Variants in TASP1 observed in about 807,000 individuals in gnomAD.
TASP1 encodes taspase 1, also known as threonine aspartase 1.
TASP1 carries 16 observed loss-of-function variants against 56.6 expected under a neutral mutation model. That is an observed-to-expected ratio of 0.28 (90% confidence interval 0.19 to 0.43). The LOEUF (loss-of-function observed/expected upper bound fraction) is 0.43. TASP1 is among the 20% of genes least tolerant of loss of function. The pLI is 1.00. For missense variants in TASP1, 393 were observed against 511.6 expected (o/e 0.77, Z 2.24); for synonymous variants, 179 against 184.2 (o/e 0.97, Z 0.23).
chr20:13,489,313 C>T (rs1181626553), intron 10 of TASP1, among the ~76,000 whole-genome samples: 1 of 152,160 alleles, frequency 6.6e-6, no homozygotes, highest in African/African-American at 2.4e-5. Context: ...AAGAGCTACA[C>T]ATTCTTAGGC....
the TASP1 span, chr20:13,298,871 A>G: frequency 4.5e-5 from 68 of 1,509,942 alleles, no homozygotes; most frequent in Middle Eastern, 1.8e-4. Context: ...CTGGTGTCAC[A>G]TGCTCCTTGA....
intron 10 of TASP1, among the ~76,000 whole-genome samples, chr20:13,487,951 A>T (rs1259383283): frequency 6.6e-6 from 1 of 152,180 alleles, no homozygotes; most frequent in African/African-American, 2.4e-5. Context: ...GCCATGAACC[A>T]GATTTGGCCC....
At chr20:13,164,661 G>T in the TASP1 span, 3 of 877,942 alleles carry the variant, frequency 3.4e-6, no homozygotes, top group South Asian at 1.6e-5. Flanking sequence ...CTAAGACTGT[G>T]TGTCTTTGTG....
the TASP1 span, among the ~76,000 whole-genome samples, chr20:13,326,642 C>A: frequency 6.6e-6 from 1 of 152,030 alleles, no homozygotes; most frequent in African/African-American, 2.4e-5. Flanking sequence ...TGTTTCTTTG[C>A]CTTTCATAAA....
chr20:13,200,821 C>A, the TASP1 span, among the ~76,000 whole-genome samples: 1 of 152,202 alleles, frequency 6.6e-6, no homozygotes. Context: ...GAGTTAAGAC[C>A]AAGCTTCATT....
the TASP1 span, among the ~76,000 whole-genome samples, chr20:13,206,081 G>A: frequency 5.9e-5 from 9 of 152,250 alleles, no homozygotes; most frequent in African/African-American, 2.2e-4. Context: ...GGGAGTCCTT[G>A]GCATCTATCC....
At chr20:13,252,612 G>T in the TASP1 span, among the ~76,000 whole-genome samples, 1 of 152,214 alleles carries the variant, frequency 6.6e-6, no homozygotes, top group African/African-American at 2.4e-5. Context: ...TACATTAGCT[G>T]GGTGTGGTGG....
At chr20:13,322,232 C>G in the TASP1 span, among the ~76,000 whole-genome samples, 1 of 152,180 alleles carries the variant, frequency 6.6e-6, no homozygotes, top group South Asian at 2.1e-4. Flanking sequence ...CTTAAAAGTG[C>G]TGTACTCCCA....
At position 13,570,556 on chromosome 20, in the gene TASP1, T is replaced by C. The variant is rs150823277; in HGVS notation, c.489-970A>G. Reference sequence around the variant, plus strand: ...ATCTAAGTAGACCCTCAGAAACATATCCAAATGGTTCCAATGGGAAACCAA... The same window carrying C: ...ATCTAAGTAGACCCTCAGAAACATACCCAAATGGTTCCAATGGGAAACCAA... On this transcript the variant is annotated intron_variant, in intron 6 of 13. Transcript: ENST00000337743. 4.8e-3 allele frequency among the ~76,000 whole-genome samples: 730 copies of C among 152,242 alleles called. 4 individuals are homozygous for C. The highest frequency in any genetic ancestry group is 0.016 in the African/African-American group (654 of 41,562).
intron 4 of TASP1, among the ~76,000 whole-genome samples, chr20:13,612,355 A>G (rs1051407180): frequency 1.3e-5 from 2 of 152,186 alleles, no homozygotes; most frequent in Non-Finnish European, 2.9e-5. Context: ...CTCAAATACC[A>G]GAAAACTAAT....
At position 13,442,660 on chromosome 20, in the gene TASP1, C is replaced by T. The variant is rs772840112; in HGVS notation, c.986-7506G>A. ...CTGTCTTTAAAAACAAACAAACAAA[C>T]AAACAAAAAAACAGAGACAGAGAGA... On this transcript the variant is annotated intron_variant, in intron 11 of 13. Coordinates refer to ENST00000337743, the MANE Select transcript of TASP1 (RefSeq NM_017714.3). Among the ~76,000 whole-genome samples, 11 of 151,224 alleles carry T rather than the reference C, an allele frequency of 7.3e-5. 1 individual carries two copies. The highest frequency in any genetic ancestry group is 1.3e-4 in the Non-Finnish European group (9 of 67,922).
chr20:13,178,480 G>A, the TASP1 span, among the ~76,000 whole-genome samples: 1 of 152,170 alleles, frequency 6.6e-6, no homozygotes, highest in East Asian at 1.9e-4. Context: ...ACTCGCAATA[G>A]CCAAAATAGG....
At chr20:13,452,416 A>AC (rs1214225249) in intron 11 of TASP1, among the ~76,000 whole-genome samples, 1 of 149,190 alleles carries the variant, frequency 6.7e-6, no homozygotes, top group Non-Finnish European at 1.5e-5. Context: ...CATACATTAA[A>AC]AAAAAAAAAA....
At chr20:13,367,661 G>A in the TASP1 span, among the ~76,000 whole-genome samples, 3 of 152,322 alleles carry the variant, frequency 2.0e-5, no homozygotes, top group Middle Eastern at 6.8e-3. Context: ...TAATCTAATA[G>A]CTAACTGCAA....
chr20:13,393,300 T>C, intron 13 of TASP1: 1 of 755,610 alleles, frequency 1.3e-6, no homozygotes, highest in Non-Finnish European at 2.4e-6. Context: ...CATCCCTGCA[T>C]CTACTGGCAC....
intron 1 of TASP1, among the ~76,000 whole-genome samples, chr20:13,637,955 G>C (rs1330226465): frequency 6.6e-6 from 1 of 152,208 alleles, no homozygotes; most frequent in Non-Finnish European, 1.5e-5. Context: ...TGAACACAAT[G>C]TATGTAACTA....
At chr20:13,398,373 T>TA (rs59833009) in intron 13 of TASP1, among the ~76,000 whole-genome samples, 537 of 142,462 alleles carry the variant, frequency 3.8e-3, no homozygotes, top group African/African-American at 7.4e-3. Context: ...GCTCTCTCTT[T>TA]AAAAAAAAAA....
chr20:13,351,556 T>C, the TASP1 span, among the ~76,000 whole-genome samples: 27 of 152,218 alleles, frequency 1.8e-4, no homozygotes, highest in African/African-American at 6.3e-4. Flanking sequence ...TATTATATGA[T>C]TCCATTTATA....
intron 13 of TASP1, among the ~76,000 whole-genome samples, chr20:13,406,367 G>A (rs1279654307): frequency 1.3e-5 from 2 of 152,120 alleles, no homozygotes; most frequent in African/African-American, 4.8e-5. Flanking sequence ...ATAGTTTTCA[G>A]GGAACACGTC....
Sources: gnomAD v4.1 joint callset for allele counts (sites outside exome capture counted in the v4.1 genomes callset) on GRCh38, gnomAD v4.1.1 for gene constraint, MANE v1.5 for transcripts, NCBI Gene and HGNC (gene_info 2026-07-23, HGNC 2026-07-21) for gene names.